Variants in ME1 observed in about 807,000 individuals in gnomAD.
ME1 encodes the protein NADP-dependent malic enzyme.
Under a neutral mutation model 66.4 loss-of-function variants are expected in ME1, and 74 were observed. The observed-to-expected ratio is 1.11, with a 90% CI of 0.92 to 1.35. The LOEUF is 1.35. ME1 is among the 40% of genes most tolerant of loss of function. ME1 has a pLI of 0.00. For synonymous variants in ME1, 251 were observed against 235.6 expected, an observed-to-expected ratio of 1.07 and a Z score of -0.60; for missense variants, 750 against 694.1, an observed-to-expected ratio of 1.08 and a Z score of -0.90.
intron 6 of ME1, among the ~76,000 whole-genome samples, chr6:83,312,645 A>G (rs938171749): frequency 8.5e-5 from 13 of 152,204 alleles, no homozygotes; most frequent in African/African-American, 2.9e-4. Flanking sequence ...AACAGCAGGC[A>G]GGGGTAATCC....
chr6:83,332,704 A>AGGGG (rs1562483657), intron 5 of ME1, among the ~76,000 whole-genome samples: 1 of 152,160 alleles, frequency 6.6e-6, no homozygotes, highest in Non-Finnish European at 1.5e-5. Flanking sequence ...GAGTTAAGCT[A>AGGGG]TGGGTACATA....
intron 3 of ME1, among the ~76,000 whole-genome samples, chr6:83,388,878 G>C (rs1480482965): frequency 6.6e-6 from 1 of 152,180 alleles, no homozygotes; most frequent in Non-Finnish European, 1.5e-5. Context: ...CACTTTGGGA[G>C]GCCAAGATGG....
In ME1 at chr6:83,268,728, GTTATTA is replaced by G. The variant is rs57723634; in HGVS notation, c.705-14996_705-14991del. ...CCACAGGCGCGCATCACCATGCCCC[GTTATTA>G]TTATTATTATTATTATTATTATTAT... On this transcript the variant is annotated intron_variant, in intron 6 of 13. Transcript: ENST00000369705. Among the ~76,000 whole-genome samples, 149 of 143,786 alleles carry G rather than the reference GTTATTA, an allele frequency of 1.0e-3. 1 individual carries two copies. The highest frequency in any genetic ancestry group is 2.3e-3 in the East Asian group (11 of 4,864). The allele number at this position is 143,786 out of a possible 152,430, so 94.3% of individuals were successfully genotyped here.
chr6:83,216,535 T>C lies in ME1; in HGVS notation c.1511A>G (p.Asn504Ser). ...LEEGRLYPPLNTIRDVSLKIA... is the reference protein window; with the variant it reads ...LEEGRLYPPLSTIRDVSLKIA... ...TTTCAGAGAAACATCTCTAATGGTA[T>C]TCAAAGGAGGATAAAGCCGACCCTC... The change falls in exon 13 of 14, where the codon AAT becomes AGT. Residue 504 changes from asparagine (N) to serine (S), a missense_variant. Transcript: ENST00000369705. The C allele has an allele frequency of 6.2e-7, 1 of 1,612,194 alleles. No homozygotes were observed. Among genetic ancestry groups the C allele is most frequent in the Non-Finnish European group, 8.5e-7 (1 of 1,179,466 alleles).
rs117365635 is a variant in ME1 at position 83,406,667 on chromosome 6, C to T, written c.212+1101G>A. Among the ~76,000 whole-genome samples the T allele has an allele frequency of 8.5e-3, 1,296 of 152,264 alleles. 13 individuals are homozygous for T. The highest frequency in any genetic ancestry group is 0.013 in the Non-Finnish European group (903 of 68,010). ...TGGTGTATCAACATTTGGTCAAACA[C>T]TATTCTGGATGTTTCTGCACAGGTG... On this transcript the variant is annotated intron_variant, in intron 2 of 13. Coordinates refer to ENST00000369705, the MANE Select transcript of ME1 (RefSeq NM_002395.6).
At chr6:83,221,791 GAA>G (rs950878880) in intron 12 of ME1, among the ~76,000 whole-genome samples, 7 of 151,672 alleles carry the variant, frequency 4.6e-5, no homozygotes, top group African/African-American at 1.7e-4. Flanking sequence ...ATGAATGCTA[GAA>G]AAAAAACTCT....
At chr6:83,325,459 G>A (rs574412313) in intron 5 of ME1, among the ~76,000 whole-genome samples, 1 of 152,286 alleles carries the variant, frequency 6.6e-6, no homozygotes, top group African/African-American at 2.4e-5. Context: ...TGTATATTTA[G>A]AAAACCCCAT....
At chr6:83,377,061 C>T (rs750465107) in intron 3 of ME1, among the ~76,000 whole-genome samples, 25 of 152,094 alleles carry the variant, frequency 1.6e-4, no homozygotes, top group Non-Finnish European at 3.1e-4. Flanking sequence ...TGTATCAAAA[C>T]TAATATTTTA....
intron 5 of ME1, among the ~76,000 whole-genome samples, chr6:83,318,140 C>G (rs1388199842): frequency 6.7e-6 from 1 of 149,734 alleles, no homozygotes; most frequent in Non-Finnish European, 1.5e-5. Context: ...ACACCTTATA[C>G]AAAAATCAAT....
chr6:83,417,611 C>T (rs149583045), intron 1 of ME1, among the ~76,000 whole-genome samples: 4,216 of 151,354 alleles, frequency 0.028, 200 homozygotes, highest in African/African-American at 0.094. Context: ...GATCTCTTGA[C>T]CTTGTGATCC....
rs757223281 is a variant in ME1, at chr6:83,223,773, A to G, written c.1436T>C (p.Leu479Pro). Residue 479 changes from leucine to proline, a missense_variant, in exon 12 of 14, where the codon CTC (leucine) becomes CCC (proline). By Grantham distance (98) the Leu-to-Pro change is moderately conservative (BLOSUM62 -3). Coordinates refer to ENST00000369705, the MANE Select transcript of ME1 (RefSeq NM_002395.6). ...ATTTTACAATACCTCAGCAGTAGTG[A>G]GGAAAATATTATCTGTGATCTGCCT... ...GLRQITDNIFLTTAEVIAQQV... is the reference protein window; with the variant it reads ...GLRQITDNIFPTTAEVIAQQV... 6.2e-7 allele frequency: 1 copy of G among 1,613,784 alleles called. No homozygotes were observed. The highest frequency in any genetic ancestry group is 1.7e-5 in the Admixed American group (1 of 60,006).
At chr6:83,424,361 T>G (rs1053468268) in intron 1 of ME1, among the ~76,000 whole-genome samples, 23 of 151,954 alleles carry the variant, frequency 1.5e-4, no homozygotes, top group African/African-American at 5.6e-4. Context: ...AGAAATATTG[T>G]CAAAAACTCA....
intron 6 of ME1, among the ~76,000 whole-genome samples, chr6:83,310,608 C>T (rs1767912414): frequency 6.6e-6 from 1 of 151,956 alleles, no homozygotes; most frequent in Non-Finnish European, 1.5e-5. Context: ...GAGCACATGC[C>T]CGGTCCAAGG....
intron 11 of ME1, among the ~76,000 whole-genome samples, chr6:83,226,885 C>T (rs571287323): frequency 7.9e-5 from 12 of 152,230 alleles, no homozygotes; most frequent in African/African-American, 2.9e-4. Flanking sequence ...CCCAGTCTGG[C>T]TGGATGTCAA....
chr6:83,347,349 A>G lies in ME1; in HGVS notation c.439-1015T>C, dbSNP rs143836168. 6.6e-3 allele frequency among the ~76,000 whole-genome samples: 998 copies of G among 152,290 alleles called. 12 individuals carry two copies. The highest frequency in any genetic ancestry group is 0.023 in the African/African-American group (946 of 41,562). ...TCTATGTAATTTGATATCATTATTG[A>G]ACATCTTTGTGATTCATGTCAGTTA... is the stretch of plus-strand genomic sequence containing the variant. On this transcript the variant is annotated intron_variant, in intron 4 of 13. Transcript: ENST00000369705.
At chr6:83,403,448 G>A (rs975739859) in intron 2 of ME1, among the ~76,000 whole-genome samples, 1 of 152,096 alleles carries the variant, frequency 6.6e-6, no homozygotes, top group Admixed American at 6.5e-5. Context: ...ATCCTCACAT[G>A]AGGGAAAGGG....
intron 3 of ME1, among the ~76,000 whole-genome samples, chr6:83,388,724 T>A (rs923855240): frequency 6.6e-6 from 1 of 152,196 alleles, no homozygotes; most frequent in Admixed American, 6.5e-5. Context: ...AAAAGTACTA[T>A]CTAATCAAAC....
intron 5 of ME1, among the ~76,000 whole-genome samples, chr6:83,323,796 C>T (rs770690602): frequency 2.0e-5 from 3 of 151,960 alleles, no homozygotes; most frequent in Non-Finnish European, 4.4e-5. Flanking sequence ...AAAATTAACA[C>T]AGATATTCAG....
At chr6:83,221,806 C>A (rs1362181641) in intron 12 of ME1, among the ~76,000 whole-genome samples, 2 of 151,982 alleles carry the variant, frequency 1.3e-5, no homozygotes, top group East Asian at 1.9e-4. Flanking sequence ...AAAACTCTTA[C>A]TTAAAAGGGA....
Sources: gnomAD v4.1 joint callset for allele counts (sites outside exome capture counted in the v4.1 genomes callset) on GRCh38, gnomAD v4.1.1 for gene constraint, MANE v1.5 for transcripts, NCBI Gene and HGNC (gene_info 2026-07-23, HGNC 2026-07-21) for gene names.